Variants in JAM3 observed in about 807,000 individuals in gnomAD.
The protein encoded by JAM3 is junctional adhesion molecule C.
Under a neutral mutation model 39.4 loss-of-function variants are expected in JAM3, and 31 were observed. The observed-to-expected ratio is 0.79, with a 90% CI of 0.59 to 1.06. The LOEUF (loss-of-function observed/expected upper bound fraction) is 1.06, where lower values mean the gene tolerates loss of function less well. JAM3 is among the 50% of genes least tolerant of loss of function. The pLI is 0.00. For synonymous variants in JAM3, 182 were observed against 148.7 expected (o/e 1.22, Z -1.63); for missense variants, 455 against 391.4 (o/e 1.16, Z -1.37).
intron 8 of JAM3, 57 bp from the exon 9 acceptor site, chr11:134,149,089 T>A: frequency 6.2e-7 from 1 of 1,607,954 alleles, no homozygotes; most frequent in Non-Finnish European, 8.5e-7. Flanking sequence ...TACTCCGTGT[T>A]TTTCCCTGCT....
At chr11:134,076,513 T>C (rs1305342490) in intron 1 of JAM3, among the ~76,000 whole-genome samples, 1 of 152,226 alleles carries the variant, frequency 6.6e-6, no homozygotes, top group Non-Finnish European at 1.5e-5. Context: ...CCATATGTGA[T>C]ATTTCAAATA....
intron 1 of JAM3, among the ~76,000 whole-genome samples, chr11:134,084,844 C>T (rs112713177): frequency 8.3e-4 from 126 of 152,326 alleles, no homozygotes; most frequent in Non-Finnish European, 1.3e-3. Flanking sequence ...TTCTCTTCTT[C>T]CACTCTTCTT....
At chr11:134,148,374 T>C (rs761896383) in intron 6 of JAM3, 173 bp from the exon 7 acceptor site, 3 of 711,364 alleles carry the variant, frequency 4.2e-6, no homozygotes, top group Non-Finnish European at 7.3e-6. Context: ...TATGGTGTCC[T>C]ATATGTTCTA....
chr11:134,139,693 T>G (rs1942939179), intron 1 of JAM3, 158 bp from the exon 2 acceptor site: 1 of 667,866 alleles, frequency 1.5e-6, no homozygotes, highest in Non-Finnish European at 2.7e-6. Context: ...AGAAAGCAGT[T>G]AACTTGGCTT....
At position 134,144,804 on chromosome 11, in the gene JAM3, C is replaced by G; in HGVS notation, c.422C>G (p.Thr141Ser). 1 of 1,614,058 alleles carries G rather than the reference C, an allele frequency of 6.2e-7. No homozygotes were observed. Among genetic ancestry groups the G allele is most frequent in the African/African-American group, 1.3e-5 (1 of 75,016 alleles). ...IELTVQVKPV[T>S]PVCRVPKAVP... ...TTTTTCCCCACAGTGAAGCCAGTGA[C>G]CCCTGTCTGTAGAGTGCCGAAGGCT... The change falls in exon 5 of 9, where the codon ACC becomes AGC. Residue 141 changes from threonine to serine, a missense_variant. By Grantham distance (58) the Thr-to-Ser change is moderately conservative. Coordinates refer to ENST00000299106, the MANE Select transcript of JAM3 (RefSeq NM_032801.5).
At chr11:134,123,869 C>A (rs910717942) in intron 1 of JAM3, 40 of 853,294 alleles carry the variant, frequency 4.7e-5, no homozygotes, top group Non-Finnish European at 1.4e-5. Context: ...AGCGTAATCA[C>A]ATCTTAGGTC....
At chr11:134,128,934 A>G (rs1407724679) in intron 1 of JAM3, among the ~76,000 whole-genome samples, 1 of 152,136 alleles carries the variant, frequency 6.6e-6, no homozygotes, top group African/African-American at 2.4e-5. Flanking sequence ...AAAATACCAT[A>G]AAGAGGTGGC....
rs775432417 is a variant in JAM3 at position 134,140,650 on chromosome 11, G to C, written c.143-7G>C. 2 of 1,609,448 alleles carry C rather than the reference G, an allele frequency of 1.2e-6. No individual in the cohort carries two copies. Reference sequence around the variant, plus strand: ...ACCGAGAGCTCTTTTTCTTCTTTGCGTGTTAGGTGTGGAACTGTCTTGCAT... The same window carrying C: ...ACCGAGAGCTCTTTTTCTTCTTTGCCTGTTAGGTGTGGAACTGTCTTGCAT... On this transcript the variant is annotated splice_region_variant and splice_polypyrimidine_tract_variant and intron_variant, in intron 2 of 8. Transcript: ENST00000299106.
intron 1 of JAM3, among the ~76,000 whole-genome samples, chr11:134,137,034 A>G (rs768017384): frequency 6.6e-6 from 1 of 151,256 alleles, no homozygotes; most frequent in Non-Finnish European, 1.5e-5. Context: ...AATGGTGTGA[A>G]CCCAAGAGGC....
In JAM3 at chr11:134,093,087, C is replaced by T. The variant is rs1044823353; in HGVS notation, c.76+23928C>T. 1.6e-4 allele frequency among the ~76,000 whole-genome samples: 19 copies of T among 122,414 alleles called. 3 individuals carry two copies. The highest frequency in any genetic ancestry group is 3.0e-4 in the Non-Finnish European group (18 of 59,596). The allele number at this position is 122,414 out of a possible 152,430, so 80.3% of individuals were successfully genotyped here. A position where few individuals can be genotyped will look rare whatever the true frequency, so the allele number is the denominator to read the frequency against. ...ACCTTACATCTTATTCGTCATGTTC[C>T]ATCTTACATGTCACTTCCTGAGGGA... is the stretch of plus-strand genomic sequence containing the variant. On this transcript the variant is annotated intron_variant, in intron 1 of 8. Coordinates refer to ENST00000299106, the MANE Select transcript of JAM3 (RefSeq NM_032801.5).
At chr11:134,082,609 G>A (rs528397365) in intron 1 of JAM3, among the ~76,000 whole-genome samples, 1 of 152,274 alleles carries the variant, frequency 6.6e-6, no homozygotes, top group South Asian at 2.1e-4. Flanking sequence ...CTGCCGCCGT[G>A]TGAGATATGC....
At chr11:134,148,856 A>G (rs1293403800) in intron 8 of JAM3, 38 bp downstream of exon 8, 14 of 1,604,318 alleles carry the variant, frequency 8.7e-6, no homozygotes, top group Non-Finnish European at 1.2e-5. Context: ...AGGTGTACCC[A>G]GCAGGGAAAA....
At chr11:134,125,946 C>T (rs1203551974) in intron 1 of JAM3, among the ~76,000 whole-genome samples, 1 of 152,160 alleles carries the variant, frequency 6.6e-6, no homozygotes, top group Non-Finnish European at 1.5e-5. Flanking sequence ...CAGGAAGCAG[C>T]GTACCTTCAC....
intron 1 of JAM3, among the ~76,000 whole-genome samples, chr11:134,129,678 G>C (rs1942727803): frequency 6.6e-6 from 1 of 152,152 alleles, no homozygotes; most frequent in Non-Finnish European, 1.5e-5. Flanking sequence ...TTACATTTGA[G>C]AAAAATTGGA....
At chr11:134,074,875 A>G (rs972871724) in intron 1 of JAM3, among the ~76,000 whole-genome samples, 14 of 152,086 alleles carry the variant, frequency 9.2e-5, no homozygotes, top group African/African-American at 2.7e-4. Context: ...TTCCTGCCCA[A>G]CATGGACTTC....
At chr11:134,098,755 C>T (rs1374675056) in intron 1 of JAM3, among the ~76,000 whole-genome samples, 1 of 152,130 alleles carries the variant, frequency 6.6e-6, no homozygotes, top group Non-Finnish European at 1.5e-5. Flanking sequence ...TCAGAGCTAG[C>T]TTGCAGGTGG....
intron 1 of JAM3, among the ~76,000 whole-genome samples, chr11:134,075,957 G>C (rs892031489): frequency 2.6e-5 from 4 of 151,504 alleles, no homozygotes; most frequent in East Asian, 1.9e-4. Context: ...TGCTATTCTG[G>C]GTTCTTTATT....
chr11:134,110,266 AAGAT>A (rs1942284299), intron 1 of JAM3, among the ~76,000 whole-genome samples: 1 of 152,218 alleles, frequency 6.6e-6, no homozygotes, highest in Non-Finnish European at 1.5e-5. Context: ...TAAAAATGAA[AAGAT>A]AGACCTATTA....
In JAM3 at chr11:134,096,328, A is replaced by G. The variant is rs182538509; in HGVS notation, c.76+27169A>G. ...TTGGAGTGAGCTTTCAGTTTAGTAT[A>G]AATAGGTAAGGGTTTGGATTCTCTG... On this transcript the variant is annotated intron_variant, in intron 1 of 8. Coordinates refer to ENST00000299106, the MANE Select transcript of JAM3 (RefSeq NM_032801.5). 3.3e-5 allele frequency among the ~76,000 whole-genome samples: 5 copies of G among 152,240 alleles called. No homozygotes were observed. The East Asian group carries it at 9.6e-4, about 29-fold the overall frequency.
Sources: allele counts gnomAD v4.1 joint callset (sites outside exome capture counted in the v4.1 genomes callset), GRCh38; gene constraint gnomAD v4.1.1; transcripts MANE v1.5; gene names NCBI Gene and HGNC (gene_info 2026-07-23, HGNC 2026-07-21).